ERC1: variants seen among roughly 807,000 people sequenced by gnomAD.
The protein encoded by ERC1 is RAB6 interacting protein 2.
In ERC1, 56 loss-of-function variants were observed where a neutral mutation model predicts 132.0. The observed-to-expected ratio is 0.42, with a 90% CI of 0.34 to 0.53. ERC1 has a LOEUF of 0.53. Ranked by LOEUF, ERC1 falls within the 20% of genes least tolerant of loss-of-function variation. The pLI is 0.03. For missense variants in ERC1, 1,202 were observed against 1,349.9 expected (o/e 0.89, Z 1.72); for synonymous variants, 478 against 476.1 (o/e 1.00, Z -0.05).
intron 18 of ERC1, among the ~76,000 whole-genome samples, chr12:1,466,185 G>T (rs1395485585): frequency 2.0e-5 from 3 of 152,136 alleles, no homozygotes; most frequent in Non-Finnish European, 4.4e-5. Context: ...CGAGATCAAG[G>T]GGTCGGCAGG....
intron 1 of ERC1, among the ~76,000 whole-genome samples, chr12:1,011,176 C>A (rs1964624109): frequency 1.3e-5 from 2 of 152,094 alleles, no homozygotes; most frequent in African/African-American, 4.8e-5. Context: ...CCTTTTGTTT[C>A]TGTTTAAGTC....
chr12:1,106,896 G>A (rs1945325644), intron 4 of ERC1, among the ~76,000 whole-genome samples: 1 of 152,188 alleles, frequency 6.6e-6, no homozygotes, highest in Non-Finnish European at 1.5e-5. Flanking sequence ...GATTCTGGTG[G>A]CCCAGTGGGG....
At chr12:1,140,296 CA>C in intron 7 of ERC1, among the ~76,000 whole-genome samples, 1 of 152,162 alleles carries the variant, frequency 6.6e-6, no homozygotes, top group East Asian at 1.9e-4. Flanking sequence ...ACCGCACACA[CA>C]GTATTGCTTC....
intron 18 of ERC1, among the ~76,000 whole-genome samples, chr12:1,459,636 AC>A (rs2093607748): frequency 6.6e-6 from 1 of 152,264 alleles, no homozygotes; most frequent in African/African-American, 2.4e-5. Context: ...GAATGTGAAA[AC>A]ACCAGGTGAA....
intron 7 of ERC1, 103 bp from the exon 8 acceptor site, chr12:1,141,517 T>A: frequency 1.1e-6 from 1 of 899,164 alleles, no homozygotes; most frequent in African/African-American, 1.7e-5. Flanking sequence ...TTTTATAGAA[T>A]AACAAAACTC....
In ERC1 at chr12:1,208,203, C is replaced by T. The variant is rs148183057; in HGVS notation, c.2351+18151C>T. Among the ~76,000 whole-genome samples, 8 of 152,312 alleles carry T rather than the reference C, an allele frequency of 5.3e-5. No individual in the cohort carries two copies. The East Asian group carries it at 1.5e-3, about 29-fold the overall frequency. On this transcript the variant is annotated intron_variant, in intron 12 of 18. Coordinates refer to ENST00000360905, the MANE Select transcript of ERC1 (RefSeq NM_178040.4). ...TCTAGGGTACAAATCTAGTTTGTCT[C>T]ATTTCAAGTTTACTTCACACTTTCC...
chr12:1,341,123 T>G (rs2083840616), intron 15 of ERC1, among the ~76,000 whole-genome samples: 1 of 120,846 alleles, frequency 8.3e-6, no homozygotes, highest in Admixed American at 1.0e-4. Context: ...AGGCAGAGTC[T>G]TACTCTGTCG....
chr12:1,164,500 C>T (rs1229853648), intron 8 of ERC1, among the ~76,000 whole-genome samples: 1 of 130,990 alleles, frequency 7.6e-6, no homozygotes, highest in Non-Finnish European at 1.6e-5. Context: ...CGCCACCGCA[C>T]CCAGATAATT....
intron 16 of ERC1, among the ~76,000 whole-genome samples, chr12:1,401,954 A>G (rs1268599351): frequency 6.6e-6 from 1 of 152,126 alleles, no homozygotes; most frequent in Non-Finnish European, 1.5e-5. Context: ...AGATTAGGAG[A>G]CATGGAAAAC....
At chr12:1,208,094 AC>A (rs1468154253) in intron 12 of ERC1, among the ~76,000 whole-genome samples, 1 of 152,192 alleles carries the variant, frequency 6.6e-6, no homozygotes, top group Non-Finnish European at 1.5e-5. Flanking sequence ...GAATTGGATG[AC>A]ATTTTCCCGT....
chr12:1,202,714 A>G (rs16928278), intron 12 of ERC1, among the ~76,000 whole-genome samples: 54,138 of 152,054 alleles, frequency 0.36, 10,753 homozygotes, highest in African/African-American at 0.53. Context: ...TTCATGAATA[A>G]TAAAGTAGGT....
At chr12:1,276,433 T>A (rs991290770) in intron 14 of ERC1, among the ~76,000 whole-genome samples, 24 of 151,804 alleles carry the variant, frequency 1.6e-4, no homozygotes, top group African/African-American at 5.8e-4. Context: ...AGAGACGGGG[T>A]TTCGCTATGT....
intron 3 of ERC1, among the ~76,000 whole-genome samples, 191 bp from the exon 4 acceptor site, chr12:1,104,559 C>T (rs1032571166): frequency 2.0e-5 from 3 of 152,082 alleles, no homozygotes; most frequent in Non-Finnish European, 4.4e-5. Context: ...TCCTCCTATG[C>T]CTGCATGGTT....
chr12:1,132,636 G>T (rs1016292811), intron 7 of ERC1, among the ~76,000 whole-genome samples: 46 of 152,206 alleles, frequency 3.0e-4, no homozygotes, highest in African/African-American at 1.1e-3. Flanking sequence ...TGTGATGGTG[G>T]TGCCATCAGA....
chr12:1,183,563 A>T (rs1475331238), intron 11 of ERC1, 142 bp downstream of exon 11: 2 of 470,198 alleles, frequency 4.3e-6, no homozygotes, highest in Non-Finnish European at 7.4e-6. Flanking sequence ...TGAATTAATT[A>T]TCTTAGCATT....
At chr12:1,031,257 C>T (rs188756496) in intron 2 of ERC1, among the ~76,000 whole-genome samples, 3 of 152,278 alleles carry the variant, frequency 2.0e-5, no homozygotes, top group Admixed American at 2.0e-4. Flanking sequence ...GACAACTTTG[C>T]TATTCCACTG....
At chr12:1,259,504 A>C (rs1594609799) in intron 13 of ERC1, among the ~76,000 whole-genome samples, 1 of 120,982 alleles carries the variant, frequency 8.3e-6, no homozygotes. Flanking sequence ...TGTCTTGGGT[A>C]TCTCTTTCTT....
intron 12 of ERC1, among the ~76,000 whole-genome samples, chr12:1,206,188 A>T (rs1321839198): frequency 1.3e-5 from 2 of 152,032 alleles, no homozygotes; most frequent in African/African-American, 2.4e-5. Context: ...CCAGATTATG[A>T]TTTAGTGCAG....
intron 17 of ERC1, among the ~76,000 whole-genome samples, chr12:1,422,354 C>T (rs1340086419): frequency 6.6e-6 from 1 of 152,134 alleles, no homozygotes; most frequent in Non-Finnish European, 1.5e-5. Flanking sequence ...TCCCCTTCCC[C>T]CTACCCTTCC....
Sources: allele counts gnomAD v4.1 joint callset (sites outside exome capture counted in the v4.1 genomes callset), GRCh38; gene constraint gnomAD v4.1.1; transcripts MANE v1.5; gene names NCBI Gene and HGNC (gene_info 2026-07-23, HGNC 2026-07-21).